Variants in SLC14A2 observed in about 807,000 individuals in gnomAD.
SLC14A2 encodes solute carrier family 14 member 2, also known as urea transporter 2.
Under a neutral mutation model 104.6 loss-of-function variants are expected in SLC14A2, and 91 were observed. That is an observed-to-expected ratio of 0.87 (90% CI 0.73 to 1.04). SLC14A2 has a LOEUF of 1.04. Ranked by LOEUF, SLC14A2 falls within the 50% of genes least tolerant of loss-of-function variation. The pLI is 0.00. For missense variants in SLC14A2, 1,189 were observed against 1,156.0 expected (o/e 1.03, Z -0.41); for synonymous variants, 476 against 466.4 (o/e 1.02, Z -0.27).
chr18:45,616,183 C>T (rs2045069185), intron 1 of SLC14A2, among the ~76,000 whole-genome samples: 1 of 152,172 alleles, frequency 6.6e-6, no homozygotes, highest in Non-Finnish European at 1.5e-5. Context: ...TTTAACTTCT[C>T]CCCCTAAGTA....
chr18:45,269,970 C>A lies in SLC14A2; in HGVS notation c.-125+56779C>A, dbSNP rs531226454. ...TATATGAACATTTAACTACTTGTGGCCTTTCTTCTACTTCTCCTATAGTTT... is the reference window on the plus strand; with the variant it reads ...TATATGAACATTTAACTACTTGTGGACTTTCTTCTACTTCTCCTATAGTTT... On this transcript the variant is annotated intron_variant, in intron 1 of 20. Transcript: ENST00000586448. Among the ~76,000 whole-genome samples the A allele has an allele frequency of 3.9e-5, 6 of 151,954 alleles. No homozygotes were observed. In the East Asian group the frequency reaches 1.2e-3, roughly 29 times the overall value.
At chr18:45,432,647 C>A (rs749008906) in intron 1 of SLC14A2, among the ~76,000 whole-genome samples, 1 of 152,174 alleles carries the variant, frequency 6.6e-6, no homozygotes. Flanking sequence ...CTGATTTCGG[C>A]TTTGTGAGTA....
At chr18:45,212,046 A>G (rs1466924278), upstream of SLC14A2, among the ~76,000 whole-genome samples, 2 of 152,230 alleles carry the variant, frequency 1.3e-5, no homozygotes, top group African/African-American at 4.8e-5. Flanking sequence ...TAATTGAATC[A>G]TATATTGGAA....
At chr18:45,295,635 C>A (rs918407018) in intron 1 of SLC14A2, among the ~76,000 whole-genome samples, 1 of 152,136 alleles carries the variant, frequency 6.6e-6, no homozygotes, top group Non-Finnish European at 1.5e-5. Context: ...TCCATCAGTC[C>A]TCCCAGCGAG....
At chr18:45,184,774 G>C in the SLC14A2 span, among the ~76,000 whole-genome samples, 1 of 152,150 alleles carries the variant, frequency 6.6e-6, no homozygotes, top group African/African-American at 2.4e-5. Context: ...AAATAGTATT[G>C]TTTCACAACA....
intron 1 of SLC14A2, among the ~76,000 whole-genome samples, chr18:45,475,908 A>G (rs2087370507): frequency 6.6e-6 from 1 of 151,958 alleles, no homozygotes; most frequent in African/African-American, 2.4e-5. Context: ...AATACAGCAC[A>G]GTAATTGGTC....
intron 1 of SLC14A2, among the ~76,000 whole-genome samples, chr18:45,379,544 A>T (rs1444514141): frequency 6.6e-6 from 1 of 152,180 alleles, no homozygotes; most frequent in Non-Finnish European, 1.5e-5. Context: ...TGCACTCCAC[A>T]TACCCATGAT....
chr18:45,249,123 T>C (rs1388173364), intron 1 of SLC14A2, among the ~76,000 whole-genome samples: 1 of 152,208 alleles, frequency 6.6e-6, no homozygotes, highest in Non-Finnish European at 1.5e-5. Context: ...TTCATGTGTG[T>C]AAGCAGCTTC....
intron 1 of SLC14A2, among the ~76,000 whole-genome samples, chr18:45,297,130 T>A (rs972952207): frequency 2.0e-5 from 3 of 152,212 alleles, no homozygotes; most frequent in African/African-American, 7.2e-5. Flanking sequence ...AGAAGAAAGA[T>A]ATTGGACATT....
chr18:45,439,563 T>C (rs1416596401), intron 1 of SLC14A2, among the ~76,000 whole-genome samples: 2 of 152,228 alleles, frequency 1.3e-5, no homozygotes, highest in African/African-American at 4.8e-5. Flanking sequence ...ACCAACCTGT[T>C]TCTTGCTCTT....
At chr18:45,329,515 A>C (rs1167808429) in intron 1 of SLC14A2, among the ~76,000 whole-genome samples, 1 of 152,232 alleles carries the variant, frequency 6.6e-6, no homozygotes, top group Non-Finnish European at 1.5e-5. Flanking sequence ...TTTGGAGCCA[A>C]AGCTAGTGAT....
intron 1 of SLC14A2, among the ~76,000 whole-genome samples, chr18:45,448,500 G>A (rs1466051272): frequency 1.3e-5 from 2 of 152,186 alleles, no homozygotes; most frequent in Admixed American, 1.3e-4. Flanking sequence ...CACATGAAAT[G>A]ATTTGAGAAA....
chr18:45,675,716 T>C (rs1351327817), intron 18 of SLC14A2, among the ~76,000 whole-genome samples: 5 of 120,888 alleles, frequency 4.1e-5, no homozygotes, highest in Non-Finnish European at 8.1e-5. Context: ...TATATTTTTT[T>C]TTTTTTTTTT....
Position 45,644,128 on chromosome 18 carries a change from T to C in SLC14A2, c.1319T>C (p.Val440Ala). The C allele has an allele frequency of 6.2e-7, 1 of 1,614,176 alleles. No homozygotes were observed. Among genetic ancestry groups the C allele is most frequent in the Non-Finnish European group, 8.5e-7 (1 of 1,180,030 alleles). ...GCCAACCGCATCTACTACCTGACAGTGAAAAGCGGTGAAGAAGAGAAGGCC... is the reference window on the plus strand; with the variant it reads ...GCCAACCGCATCTACTACCTGACAGCGAAAAGCGGTGAAGAAGAGAAGGCC... ...PEANRIYYLT[V>A]KSGEEEKAPS... Residue 440 changes from valine to alanine, a missense_variant, in exon 10 of 20, where the codon GTG becomes GCG. Val to Ala is a moderately conservative substitution (Grantham distance 64). Transcript: ENST00000255226.
chr18:45,470,776 T>C (rs1052015065), intron 1 of SLC14A2, among the ~76,000 whole-genome samples: 5 of 152,162 alleles, frequency 3.3e-5, no homozygotes, highest in Non-Finnish European at 7.4e-5. Context: ...ATGACGATGA[T>C]GATGATGATG....
intron 1 of SLC14A2, among the ~76,000 whole-genome samples, chr18:45,322,392 A>T (rs577142621): frequency 6.6e-6 from 1 of 152,330 alleles, no homozygotes; most frequent in African/African-American, 2.4e-5. Context: ...TTGAAGGCTT[A>T]AAAAAACATT....
intron 2 of SLC14A2, among the ~76,000 whole-genome samples, chr18:45,546,147 G>A (rs2043965798): frequency 6.6e-6 from 1 of 152,132 alleles, no homozygotes; most frequent in African/African-American, 2.4e-5. Context: ...AGATACATGT[G>A]TTATAACCAG....
At chr18:45,615,630 C>G (rs987821120) in intron 1 of SLC14A2, 48 bp downstream of exon 1, 11 of 151,158 alleles carry the variant, frequency 7.3e-5, no homozygotes, top group African/African-American at 2.4e-4. Context: ...AAATCACCCA[C>G]TCTCAGGTAG....
rs1294597849 is a variant in SLC14A2, at chr18:45,669,440, T to C, written c.2171T>C (p.Leu724Pro). 1.9e-6 allele frequency: 3 copies of C among 1,614,172 alleles called. No homozygotes were observed. The highest frequency in any genetic ancestry group is 2.5e-6 in the Non-Finnish European group (3 of 1,180,010). ...TACAACCTTTTCTTCCCCACAACGCTGCTGCAGCCTGCATCCGCCATGCCC... is the reference window on the plus strand; with the variant it reads ...TACAACCTTTTCTTCCCCACAACGCCGCTGCAGCCTGCATCCGCCATGCCC... ...GHYNLFFPTT[L>P]LQPASAMPNI... The change falls in exon 16 of 20, where the codon CTG becomes CCG. Residue 724 changes from leucine (L) to proline (P), a missense_variant. Leu to Pro is a moderately conservative substitution (Grantham distance 98, BLOSUM62 -3). Coordinates refer to ENST00000255226, the MANE Select transcript of SLC14A2 (RefSeq NM_007163.4).
Sources: gnomAD v4.1 joint callset for allele counts (sites outside exome capture counted in the v4.1 genomes callset) on GRCh38, gnomAD v4.1.1 for gene constraint, MANE v1.5 for transcripts, NCBI Gene and HGNC (gene_info 2026-07-23, HGNC 2026-07-21) for gene names.